The following PRELID2 variants were observed in gnomAD, a reference collection of about 807,000 sequenced individuals.
PRELID2 encodes the protein PRELI domain containing 2, also known as PRELI domain-containing protein 2.
A neutral mutation model predicts 28.4 loss-of-function variants in PRELID2; 25 were observed. That is an observed-to-expected ratio of 0.88 (90% CI 0.64 to 1.23). The LOEUF (loss-of-function observed/expected upper bound fraction) is 1.23. Among genes scored for constraint, PRELID2 ranks in the 50% most tolerant of loss-of-function variants. PRELID2 has a pLI of 0.00. For synonymous variants in PRELID2, 76 were observed against 71.6 expected, an observed-to-expected ratio of 1.06 and a Z score of -0.31; for missense variants, 201 against 214.4, an observed-to-expected ratio of 0.94 and a Z score of 0.39.
chr5:145,402,604 A>G, the PRELID2 span, among the ~76,000 whole-genome samples: 2 of 152,288 alleles, frequency 1.3e-5, no homozygotes, highest in Non-Finnish European at 2.9e-5. Context: ...CCTTGAAAAA[A>G]TGTTTAACCT....
the PRELID2 span, among the ~76,000 whole-genome samples, chr5:145,327,075 A>G: frequency 6.6e-6 from 1 of 152,134 alleles, no homozygotes; most frequent in South Asian, 2.1e-4. Context: ...AATCGTAAAA[A>G]TCACAGTACT....
chr5:145,232,710 G>T, the PRELID2 span, among the ~76,000 whole-genome samples: 1 of 151,912 alleles, frequency 6.6e-6, no homozygotes, highest in East Asian at 1.9e-4. Context: ...CTCTGTAATA[G>T]AAAAAAATTC....
intron 1 of PRELID2, chr5:145,473,433 A>G (rs953729744): frequency 6.6e-6 from 1 of 152,188 alleles, no homozygotes; most frequent in Non-Finnish European, 1.5e-5. Context: ...CATCATCATC[A>G]TCTTATTATT....
chr5:145,637,575 G>A (rs1754020430), intron 1 of PRELID2, among the ~76,000 whole-genome samples: 1 of 151,902 alleles, frequency 6.6e-6, no homozygotes, highest in African/African-American at 2.4e-5. Flanking sequence ...AAGAAAACTT[G>A]AAGATGAAGG....
the PRELID2 span, among the ~76,000 whole-genome samples, chr5:145,409,147 T>C: frequency 6.6e-6 from 1 of 152,086 alleles, no homozygotes; most frequent in Non-Finnish European, 1.5e-5. Context: ...AAATATAAGG[T>C]CTTTTTCAGA....
At chr5:145,751,047 C>A (rs1757111072) in intron 1 of PRELID2, among the ~76,000 whole-genome samples, 1 of 152,138 alleles carries the variant, frequency 6.6e-6, no homozygotes, top group Non-Finnish European at 1.5e-5. Context: ...ATTATATTGA[C>A]AAATTACATT....
intron 1 of PRELID2, among the ~76,000 whole-genome samples, chr5:145,677,947 A>G (rs77846369): frequency 0.02 from 3,080 of 152,280 alleles, 112 homozygotes; most frequent in African/African-American, 0.071. Context: ...AGGTAACCAT[A>G]TATTTGTAAA....
the PRELID2 span, among the ~76,000 whole-genome samples, chr5:145,402,419 C>A: frequency 7.2e-4 from 110 of 152,144 alleles, no homozygotes; most frequent in Non-Finnish European, 1.3e-3. Context: ...GAAACATGTG[C>A]CCTTGGATTT....
chr5:145,649,613 C>T (rs188747997), intron 1 of PRELID2, among the ~76,000 whole-genome samples: 4 of 152,344 alleles, frequency 2.6e-5, no homozygotes, highest in Admixed American at 2.6e-4. Context: ...TTTCTCCACA[C>T]TTGAGTCTGG....
chr5:145,513,671 G>A lies in PRELID2; in HGVS notation n.71-40356C>T, dbSNP rs187779804. On this transcript the variant is annotated intron_variant and non_coding_transcript_variant, in intron 1 of 2. Coordinates refer to the PRELID2 transcript ENST00000510259. ...ACCACGAAGATACTCTTCAAGAAGA[G>A]CAACTCCAAGACACATAATTGTCAG... is the stretch of plus-strand genomic sequence containing the variant. Among the ~76,000 whole-genome samples, 11 of 152,186 alleles carry A rather than the reference G, an allele frequency of 7.2e-5. No homozygotes were observed. The East Asian group carries it at 2.1e-3, about 29-fold the overall frequency.
the PRELID2 span, among the ~76,000 whole-genome samples, chr5:145,316,466 A>G: frequency 7.2e-5 from 11 of 152,132 alleles, no homozygotes; most frequent in Non-Finnish European, 1.6e-4. Context: ...ACCATAATCA[A>G]TCCCTCAGTC....
At chr5:145,542,740 T>C (rs1377842567) in intron 1 of PRELID2, among the ~76,000 whole-genome samples, 1 of 146,954 alleles carries the variant, frequency 6.8e-6, no homozygotes, top group Non-Finnish European at 1.5e-5. Flanking sequence ...ATGATAAATA[T>C]ACATTGTAAT....
intron 1 of PRELID2, among the ~76,000 whole-genome samples, chr5:145,645,713 T>C (rs916963758): frequency 2.6e-5 from 4 of 151,932 alleles, no homozygotes; most frequent in Non-Finnish European, 4.4e-5. Flanking sequence ...TCAGGAGCTC[T>C]TGTGTCAGGC....
At chr5:145,605,088 A>G (rs1238923869) in intron 1 of PRELID2, among the ~76,000 whole-genome samples, 1 of 151,576 alleles carries the variant, frequency 6.6e-6, no homozygotes, top group Non-Finnish European at 1.5e-5. Flanking sequence ...TGTTAGGTGC[A>G]TAGTTTACAA....
chr5:145,740,600 TATA>T (rs1756649518), intron 1 of PRELID2, among the ~76,000 whole-genome samples: 3 of 5,800 alleles, frequency 5.2e-4, no homozygotes, highest in Admixed American at 2.7e-3. Context: ...TAAATATATA[TATA>T]TTATATATAT....
intron 4 of PRELID2, among the ~76,000 whole-genome samples, chr5:145,811,568 G>A (rs550776523): frequency 6.6e-6 from 1 of 152,252 alleles, no homozygotes; most frequent in South Asian, 2.1e-4. Context: ...CATAGGTATT[G>A]AGCCATGCCT....
chr5:145,654,190 C>A (rs1754350295), intron 1 of PRELID2, among the ~76,000 whole-genome samples: 1 of 152,178 alleles, frequency 6.6e-6, no homozygotes, highest in African/African-American at 2.4e-5. Flanking sequence ...CCTCCCAAGA[C>A]TAAACCAGGA....
At chr5:145,522,400 C>T (rs1044002534) in intron 1 of PRELID2, among the ~76,000 whole-genome samples, 1 of 151,776 alleles carries the variant, frequency 6.6e-6, no homozygotes, top group South Asian at 2.1e-4. Flanking sequence ...TACAGAGACA[C>T]ACACACACAC....
At chr5:145,512,892 G>A (rs990967099) in intron 1 of PRELID2, among the ~76,000 whole-genome samples, 2 of 152,160 alleles carry the variant, frequency 1.3e-5, no homozygotes, top group Non-Finnish European at 2.9e-5. Context: ...GCAGCAGAGA[G>A]GACTGACTGT....
Sources: gnomAD v4.1 joint callset for allele counts (sites outside exome capture counted in the v4.1 genomes callset) on GRCh38, gnomAD v4.1.1 for gene constraint, MANE v1.5 for transcripts, NCBI Gene and HGNC (gene_info 2026-07-23, HGNC 2026-07-21) for gene names.